Variants in SEMA4F observed in about 807,000 individuals in gnomAD.
SEMA4F encodes the protein ssemaphorin 4F.
In SEMA4F, 51 loss-of-function variants were observed where a neutral mutation model predicts 78.4. That is an observed-to-expected ratio of 0.65 (90% CI 0.52 to 0.82). The LOEUF (loss-of-function observed/expected upper bound fraction) is 0.82, where lower values mean the gene tolerates loss of function less well. SEMA4F is among the 40% of genes least tolerant of loss of function. The pLI is 0.00. For synonymous variants in SEMA4F, 418 were observed against 408.7 expected (o/e 1.02, Z -0.27); for missense variants, 938 against 1,014.4 (o/e 0.92, Z 1.02).
chr2:74,657,718 C>A, intron 3 of SEMA4F, 94 bp downstream of exon 3: 1 of 1,424,474 alleles, frequency 7.0e-7, no homozygotes, highest in Non-Finnish European at 9.9e-7. Flanking sequence ...TACCAATGGG[C>A]CCAGGCAGAG....
In SEMA4F at chr2:74,679,646, G is replaced by A. The variant is rs150970311; in HGVS notation, c.1750G>A (p.Val584Ile). 8.1e-6 allele frequency: 13 copies of A among 1,612,364 alleles called. No individual in the cohort carries two copies. The highest frequency in any genetic ancestry group is 1.0e-5 in the Non-Finnish European group (12 of 1,179,226). Residue 584 changes from valine (V) to isoleucine (I), a missense_variant, in exon 14 of 14, where the codon GTC (valine) becomes ATC (isoleucine). By Grantham distance (29) the Val-to-Ile change is conservative. Coordinates refer to ENST00000357877, the MANE Select transcript of SEMA4F (RefSeq NM_004263.5). Reference sequence around the variant, plus strand: ...TCCCGTGGCTACAGCTGCGCATGTGGTCTTGCCATGTTCTCCAAGCTCAGC... The same window carrying A: ...TCCCGTGGCTACAGCTGCGCATGTGATCTTGCCATGTTCTCCAAGCTCAGC... ...EVPVATAAHV[V>I]LPCSPSSAWA...
Position 74,673,828 on chromosome 2 carries a change from G to A in SEMA4F, c.822G>A (p.Ala274=), listed in dbSNP as rs750858229. The change falls in exon 7 of 14, where the codon GCG becomes GCA. Residue 274 remains alanine (A), a splice_region_variant and synonymous_variant. Coordinates refer to ENST00000357877, the MANE Select transcript of SEMA4F (RefSeq NM_004263.5). ...TCCCACGGGTGGCCCGTGTGTGTGC[G>A]GTGAGACCCCATCCCAGCTGTCTGT... ...IKVPRVARVC[A]GDLGGRKTLQ... 14 of 1,611,968 alleles carry A rather than the reference G, an allele frequency of 8.7e-6. No homozygotes were observed. Among genetic ancestry groups the A allele is most frequent in the Middle Eastern group, 3.3e-4 (2 of 6,050 alleles).
In SEMA4F at chr2:74,679,611, T is replaced by C; in HGVS notation, c.1715T>C (p.Val572Ala). The change falls in exon 14 of 14, where the codon GTG becomes GCG. Residue 572 changes from valine (V) to alanine (A), a missense_variant. By Grantham distance (64) the Val-to-Ala change is moderately conservative. Coordinates refer to ENST00000357877, the MANE Select transcript of SEMA4F (RefSeq NM_004263.5). ...CTGTTTCTCACAGAACGTCCAGTAG[T>C]GTTTGAAGTTCCCGTGGCTACAGCT... ...CPKEPGERPV[V>A]FEVPVATAAH... 1 of 1,602,278 alleles carries C rather than the reference T, an allele frequency of 6.2e-7. No individual in the cohort carries two copies. Among genetic ancestry groups the C allele is most frequent in the Non-Finnish European group, 8.5e-7 (1 of 1,173,228 alleles).
chr2:74,670,987 G>T (rs1471597579), intron 5 of SEMA4F, among the ~76,000 whole-genome samples: 2 of 137,658 alleles, frequency 1.5e-5, no homozygotes. Flanking sequence ...GCCTTAGCTA[G>T]GTCTCTTTGT....
At chr2:74,654,980 T>G (rs1488186053) in intron 1 of SEMA4F, among the ~76,000 whole-genome samples, 1 of 152,190 alleles carries the variant, frequency 6.6e-6, no homozygotes, top group Non-Finnish European at 1.5e-5. Flanking sequence ...CCATCAGTCT[T>G]TCATTCTACT....
downstream of SEMA4F, among the ~76,000 whole-genome samples, chr2:74,684,129 A>C (rs1685758009): frequency 6.6e-6 from 1 of 150,502 alleles, no homozygotes; most frequent in Non-Finnish European, 1.5e-5. Flanking sequence ...CTATGGTTTC[A>C]TCATAATAAT....
At chr2:74,678,984 G>A (rs894773962) in intron 12 of SEMA4F, among the ~76,000 whole-genome samples, 1 of 152,068 alleles carries the variant, frequency 6.6e-6, no homozygotes, top group African/African-American at 2.4e-5. Context: ...AGAAGATTCT[G>A]TTTCTTTTAA....
At chr2:74,676,980 C>G (rs1685326018) in intron 12 of SEMA4F, among the ~76,000 whole-genome samples, 1 of 152,166 alleles carries the variant, frequency 6.6e-6, no homozygotes, top group Non-Finnish European at 1.5e-5. Flanking sequence ...CGGCTCACTG[C>G]AACCTCTGCC....
At chr2:74,692,852 AG>A in the SEMA4F span, among the ~76,000 whole-genome samples, 1 of 152,368 alleles carries the variant, frequency 6.6e-6, no homozygotes, top group South Asian at 2.1e-4. Context: ...AGAGAAATGC[AG>A]CTCATCTCAC....
chr2:74,690,986 C>A, the SEMA4F span, among the ~76,000 whole-genome samples: 1 of 152,170 alleles, frequency 6.6e-6, no homozygotes, highest in Non-Finnish European at 1.5e-5. Flanking sequence ...GTAGAACTTT[C>A]ACATAGCCAT....
In SEMA4F at chr2:74,675,602, C is replaced by A; in HGVS notation, c.1450C>A (p.Pro484Thr). The A allele has an allele frequency of 6.2e-7, 1 of 1,614,148 alleles. No homozygotes were observed. ...TGAAGATCTGGCCTTATTCCCAGAG[C>A]CACAGCCAGTTGAGAACATGAAATT... is the stretch of plus-strand genomic sequence containing the variant. ...VLEDLALFPE[P>T]QPVENMKLYH... Residue 484 changes from proline (P) to threonine (T), a missense_variant, in exon 11 of 14, where the codon CCA (proline) becomes ACA (threonine). Transcript: ENST00000357877.
the SEMA4F span, among the ~76,000 whole-genome samples, chr2:74,709,318 AT>A: frequency 2.0e-5 from 3 of 152,172 alleles, no homozygotes; most frequent in Non-Finnish European, 4.4e-5. Flanking sequence ...GGCATCACAC[AT>A]TTTTCAAGTC....
chr2:74,700,376 C>T, the SEMA4F span, among the ~76,000 whole-genome samples: 1 of 152,116 alleles, frequency 6.6e-6, no homozygotes, highest in South Asian at 2.1e-4. Flanking sequence ...CCCTGCTCCT[C>T]ACTAAATGAT....
chr2:74,677,487 C>A (rs188023534), intron 12 of SEMA4F, among the ~76,000 whole-genome samples: 3 of 152,262 alleles, frequency 2.0e-5, no homozygotes, highest in African/African-American at 7.2e-5. Context: ...TTCTTAATGT[C>A]ATCAAATATC....
intron 12 of SEMA4F, among the ~76,000 whole-genome samples, chr2:74,676,256 A>G (rs1024863603): frequency 7.2e-5 from 11 of 152,128 alleles, no homozygotes; most frequent in East Asian, 1.9e-4. Flanking sequence ...CTTGCTCTCT[A>G]TGACTGCATT....
intron 5 of SEMA4F, among the ~76,000 whole-genome samples, chr2:74,664,895 T>C (rs1684604623): frequency 6.6e-6 from 1 of 152,200 alleles, no homozygotes; most frequent in African/African-American, 2.4e-5. Context: ...GCAGATAACA[T>C]TTTTTCTTAA....
rs1357730073 is a variant in SEMA4F, at chr2:74,683,500, C to G, written c.*3291C>G. The G allele has an allele frequency of 6.6e-6, 1 of 152,262 alleles. No homozygotes were observed. Among genetic ancestry groups the G allele is most frequent in the African/African-American group, 2.4e-5 (1 of 41,444 alleles). 9.4% of individuals were successfully genotyped at this position (152,262 alleles called of 1,614,324 possible). On this transcript the variant is annotated 3_prime_UTR_variant, in exon 14 of 14. Transcript: ENST00000357877. ...AGTGATGTAGACCTATGCCCTGCTT[C>G]CATGCCACTTCCTCAGATGTGACAG... is the stretch of plus-strand genomic sequence containing the variant.
chr2:74,694,305 C>A, the SEMA4F span, among the ~76,000 whole-genome samples: 5 of 152,170 alleles, frequency 3.3e-5, no homozygotes, highest in African/African-American at 1.2e-4. Flanking sequence ...GTGATGAAAT[C>A]ATTGTTAGAC....
chr2:74,675,134 T>C, intron 9 of SEMA4F, 28 bp from the exon 10 acceptor site: 1 of 1,613,914 alleles, frequency 6.2e-7, no homozygotes, highest in Non-Finnish European at 8.5e-7. Context: ...CCTGGGAAAC[T>C]TTGTCACCAG....
Sources: allele counts gnomAD v4.1 joint callset (sites outside exome capture counted in the v4.1 genomes callset), GRCh38; gene constraint gnomAD v4.1.1; transcripts MANE v1.5; gene names NCBI Gene and HGNC (gene_info 2026-07-23, HGNC 2026-07-21).